FSTL5: variants seen among roughly 807,000 people sequenced by gnomAD.
FSTL5 encodes follistatin like 5.
A neutral mutation model predicts 89.1 loss-of-function variants in FSTL5; 62 were observed. That is an observed-to-expected ratio of 0.70 (90% CI 0.57 to 0.86). The LOEUF is 0.86. Ranked by LOEUF, FSTL5 falls within the 40% of genes least tolerant of loss-of-function variation. The pLI is 0.00. For missense variants in FSTL5, 1,057 were observed against 1,001.6 expected (o/e 1.06, Z -0.75); for synonymous variants, 383 against 346.2 (o/e 1.11, Z -1.18).
At chr4:161,803,214 T>C (rs1336143014) in intron 4 of FSTL5, among the ~76,000 whole-genome samples, 6 of 151,924 alleles carry the variant, frequency 3.9e-5, no homozygotes, top group African/African-American at 2.4e-5. Context: ...TCTAGCATAA[T>C]AGGTTCAGGT....
intron 5 of FSTL5, among the ~76,000 whole-genome samples, chr4:161,768,745 T>C (rs1379092742): frequency 6.6e-6 from 1 of 151,008 alleles, no homozygotes; most frequent in African/African-American, 2.4e-5. Context: ...AAACTTTAAA[T>C]AAACAACCTA....
chr4:161,923,039 T>C (rs1056588871), intron 3 of FSTL5, among the ~76,000 whole-genome samples: 1 of 151,950 alleles, frequency 6.6e-6, no homozygotes, highest in Admixed American at 6.6e-5. Flanking sequence ...TTATAACAAA[T>C]AACCAGGTTT....
At chr4:161,889,165 G>T (rs1017842432) in intron 4 of FSTL5, among the ~76,000 whole-genome samples, 6 of 152,116 alleles carry the variant, frequency 3.9e-5, no homozygotes, top group African/African-American at 1.2e-4. Flanking sequence ...CAAGCTTTGA[G>T]TAGCAATTTA....
At chr4:161,801,526 G>C (rs1220267214) in intron 4 of FSTL5, among the ~76,000 whole-genome samples, 1 of 151,280 alleles carries the variant, frequency 6.6e-6, no homozygotes, top group African/African-American at 2.4e-5. Context: ...GTTCCTAATG[G>C]GAAAGCAAAA....
intron 1 of FSTL5, among the ~76,000 whole-genome samples, chr4:162,142,352 A>C (rs1474517316): frequency 1.3e-5 from 2 of 152,202 alleles, no homozygotes; most frequent in African/African-American, 4.8e-5. Context: ...ATTGACCCCA[A>C]GGTATTTAAT....
chr4:161,648,126 C>A (rs1736213698), intron 7 of FSTL5, among the ~76,000 whole-genome samples: 1 of 152,150 alleles, frequency 6.6e-6, no homozygotes, highest in Admixed American at 6.5e-5. Flanking sequence ...CATGTGTGAT[C>A]CGATTCTTCC....
In FSTL5 at chr4:161,435,364, A is replaced by G. The variant is rs1361284219; in HGVS notation, c.1841+19640T>C. Among the ~76,000 whole-genome samples the G allele has an allele frequency of 3.9e-5, 6 of 152,260 alleles. No homozygotes were observed. In the South Asian group the frequency reaches 8.3e-4, roughly 21 times the overall value. On this transcript the variant is annotated intron_variant, in intron 15 of 15. Transcript: ENST00000306100. The stretch of plus-strand genomic sequence containing the variant: ...TGTTCTCATTTATTTGTGGGAGCTA[A>G]AATTTCAAACAATTAAACTAATGGA...
At chr4:161,747,848 T>G (rs950625290) in intron 6 of FSTL5, among the ~76,000 whole-genome samples, 3 of 152,196 alleles carry the variant, frequency 2.0e-5, no homozygotes, top group Non-Finnish European at 4.4e-5. Context: ...TTTATTTAAC[T>G]TCAATCTATT....
intron 6 of FSTL5, among the ~76,000 whole-genome samples, chr4:161,682,116 A>G (rs1407937808): frequency 6.6e-6 from 1 of 152,204 alleles, no homozygotes; most frequent in African/African-American, 2.4e-5. Context: ...AAGGTGCAAT[A>G]CAAATATTGC....
intron 8 of FSTL5, among the ~76,000 whole-genome samples, chr4:161,562,519 A>G (rs1044293331): frequency 1.3e-5 from 2 of 151,964 alleles, no homozygotes; most frequent in Non-Finnish European, 2.9e-5. Flanking sequence ...TCTATAATTT[A>G]TAATTTGGCT....
At chr4:161,470,686 T>C (rs1370614120) in intron 13 of FSTL5, among the ~76,000 whole-genome samples, 2 of 152,200 alleles carry the variant, frequency 1.3e-5, no homozygotes, top group African/African-American at 4.8e-5. Flanking sequence ...CTTTGAGTAC[T>C]ACTGACATCT....
intron 11 of FSTL5, among the ~76,000 whole-genome samples, chr4:161,501,147 A>C (rs1730281217): frequency 6.6e-6 from 1 of 152,208 alleles, no homozygotes; most frequent in Admixed American, 6.6e-5. Context: ...CTGGAAAATC[A>C]AACCATTGTT....
At chr4:162,037,101 G>C (rs1373933985) in intron 2 of FSTL5, among the ~76,000 whole-genome samples, 1 of 151,668 alleles carries the variant, frequency 6.6e-6, no homozygotes, top group Non-Finnish European at 1.5e-5. Flanking sequence ...ATAAATGATG[G>C]AATATACCTG....
intron 15 of FSTL5, among the ~76,000 whole-genome samples, chr4:161,413,623 A>T (rs1314480018): frequency 1.3e-5 from 2 of 152,158 alleles, no homozygotes; most frequent in East Asian, 3.9e-4. Flanking sequence ...ACATGAACTC[A>T]TATGTTTATT....
At chr4:161,463,257 G>A (rs1284716930) in intron 13 of FSTL5, among the ~76,000 whole-genome samples, 1 of 152,052 alleles carries the variant, frequency 6.6e-6, no homozygotes, top group Non-Finnish European at 1.5e-5. Flanking sequence ...CTTTTCAAAA[G>A]CTTTGCACTA....
intron 7 of FSTL5, among the ~76,000 whole-genome samples, chr4:161,654,390 T>C (rs1736443541): frequency 6.6e-6 from 1 of 152,068 alleles, no homozygotes; most frequent in African/African-American, 2.4e-5. Context: ...AGATAAAGTA[T>C]AGAAATGACA....
chr4:161,715,640 C>T (rs1450642022), intron 6 of FSTL5, among the ~76,000 whole-genome samples: 2 of 152,156 alleles, frequency 1.3e-5, no homozygotes, highest in Non-Finnish European at 2.9e-5. Flanking sequence ...CTTCTAAACT[C>T]CTAACTCCTA....
chr4:161,611,885 G>A (rs1055986582), intron 7 of FSTL5, among the ~76,000 whole-genome samples: 6 of 152,186 alleles, frequency 3.9e-5, no homozygotes, highest in Non-Finnish European at 8.8e-5. Flanking sequence ...GAATGAAAAG[G>A]TCAGAGCTGC....
intron 13 of FSTL5, among the ~76,000 whole-genome samples, chr4:161,460,015 C>T (rs541045335): frequency 5.9e-5 from 9 of 151,446 alleles, no homozygotes; most frequent in African/African-American, 2.2e-4. Flanking sequence ...CAAAGTGATG[C>T]CAGGAAGTTA....
Sources: gnomAD v4.1 joint callset for allele counts (sites outside exome capture counted in the v4.1 genomes callset) on GRCh38, gnomAD v4.1.1 for gene constraint, MANE v1.5 for transcripts, NCBI Gene and HGNC (gene_info 2026-07-23, HGNC 2026-07-21) for gene names.